The following DOCK8 variants were observed in gnomAD, a reference collection of about 807,000 sequenced individuals.
DOCK8 encodes dedicator of cytokinesis protein 8.
A neutral mutation model predicts 245.6 loss-of-function variants in DOCK8; 141 were observed. The ratio of observed to expected loss-of-function variants is 0.57; its 90% CI spans 0.50 to 0.66. DOCK8 has a LOEUF of 0.66. Ranked by LOEUF, DOCK8 falls within the 30% of genes least tolerant of loss-of-function variation. The probability of loss-of-function intolerance (pLI) is 0.00; values close to 1 mark genes in which losing one functional copy is unlikely to be tolerated. For synonymous variants in DOCK8, 1,168 were observed against 970.2 expected, an observed-to-expected ratio of 1.20 and a Z score of -3.79; for missense variants, 2,965 against 2,603.4, an observed-to-expected ratio of 1.14 and a Z score of -3.02.
At chr9:436,852 T>C (rs2056920837) in intron 39 of DOCK8, among the ~76,000 whole-genome samples, 1 of 152,198 alleles carries the variant, frequency 6.6e-6, no homozygotes, top group African/African-American at 2.4e-5. Context: ...ATTCCAATCT[T>C]TGTTCAGTTA....
chr9:416,428 C>T (rs1244081820), intron 29 of DOCK8, among the ~76,000 whole-genome samples: 1 of 152,184 alleles, frequency 6.6e-6, no homozygotes, highest in African/African-American at 2.4e-5. Flanking sequence ...TTAGAATATT[C>T]CGTATCAGTG....
At chr9:446,634 C>T in intron 44 of DOCK8, 28 bp downstream of exon 44, 1 of 1,606,928 alleles carries the variant, frequency 6.2e-7, no homozygotes, top group South Asian at 1.1e-5. Context: ...TTGGCCACCA[C>T]TGGATGAGTG....
At position 400,847 on chromosome 9, in the gene DOCK8, A is replaced by ACCT. The variant is rs1308191410; in HGVS notation, c.3234+1590_3234+1591insTCC. On this transcript the variant is annotated intron_variant, in intron 26 of 47. Coordinates refer to ENST00000432829, the MANE Select transcript of DOCK8 (RefSeq NM_203447.4). ...CACCATCACCATCACCACCACCTCCACCATCACCACCTCCTCCACCATCAC... is the reference window on the plus strand; with the variant it reads ...CACCATCACCATCACCACCACCTCCACCTCCATCACCACCTCCTCCACCATCAC... Among the ~76,000 whole-genome samples, 66 of 107,240 alleles carry ACCT rather than the reference A, an allele frequency of 6.2e-4. 11 individuals carry two copies. The highest frequency in any genetic ancestry group is 8.9e-4 in the Non-Finnish European group (47 of 52,830). 70.4% of individuals were successfully genotyped at this position (107,240 alleles called of 152,430 possible).
At chr9:421,664 T>A (rs1213017441) in intron 32 of DOCK8, among the ~76,000 whole-genome samples, 1 of 152,188 alleles carries the variant, frequency 6.6e-6, no homozygotes, top group Non-Finnish European at 1.5e-5. Context: ...CAGCTTATTG[T>A]ATTCGAAGGG....
chr9:401,700 G>A (rs893307052), intron 26 of DOCK8, among the ~76,000 whole-genome samples: 7 of 152,056 alleles, frequency 4.6e-5, no homozygotes, highest in South Asian at 2.1e-4. Flanking sequence ...ATAAACAACC[G>A]AGGGGCCAAT....
chr9:256,116 A>C (rs539722051), intron 1 of DOCK8, among the ~76,000 whole-genome samples: 1 of 152,342 alleles, frequency 6.6e-6, no homozygotes, highest in Admixed American at 6.5e-5. Context: ...TTATATCTAG[A>C]TAGAAATTTT....
chr9:397,916 G>A (rs1196142583), intron 25 of DOCK8, among the ~76,000 whole-genome samples: 2 of 152,148 alleles, frequency 1.3e-5, no homozygotes, highest in Non-Finnish European at 2.9e-5. Context: ...CACCTTTTCT[G>A]TAAGTTTAAA....
chr9:428,612 G>A (rs2056589157), intron 35 of DOCK8, 116 bp downstream of exon 35: 7 of 1,315,544 alleles, frequency 5.3e-6, no homozygotes, highest in African/African-American at 1.5e-5. Flanking sequence ...TGGCATCACA[G>A]TAAAGGTCTT....
Position 433,946 on chromosome 9 carries a change from T to A in DOCK8, c.4857T>A (p.Asp1619Glu). 1 of 1,614,082 alleles carries A rather than the reference T, an allele frequency of 6.2e-7. No individual in the cohort carries two copies. The highest frequency in any genetic ancestry group is 8.5e-7 in the Non-Finnish European group (1 of 1,179,930). ...TGAAAATGAGGGAATTTCAGGAAGA[T>A]CCTGAGATGCTTATGGATCTCATGT... ...DTVKMREFQE[D>E]PEMLMDLMYR... The change falls in exon 38 of 48, where the codon GAT becomes GAA. Residue 1619 changes from aspartate to glutamate, a missense_variant. Around this residue, in one of 3 missense-constraint regions of DOCK8, gnomAD observed 2,825 missense variants for 2,453.5 expected, o/e 1.15. Transcript: ENST00000432829.
At chr9:233,713 T>C (rs1045507212) in intron 1 of DOCK8, among the ~76,000 whole-genome samples, 1 of 152,178 alleles carries the variant, frequency 6.6e-6, no homozygotes, top group Non-Finnish European at 1.5e-5. Context: ...GAGACTAGGA[T>C]TGCAACCCCT....
intron 29 of DOCK8, among the ~76,000 whole-genome samples, chr9:417,051 T>C (rs570625137): frequency 1.4e-4 from 21 of 152,346 alleles, no homozygotes; most frequent in Middle Eastern, 3.4e-3. Context: ...TCCCAGCACT[T>C]TGGGAGGCCA....
Position 428,404 on chromosome 9 carries a change from G to A in DOCK8, c.4381G>A (p.Val1461Ile), listed in dbSNP as rs745437275. The change falls in exon 35 of 48, where the codon GTT becomes ATT. Residue 1461 changes from valine to isoleucine, a missense_variant. By Grantham distance (29) the Val-to-Ile change is conservative (BLOSUM62 3). Transcript: ENST00000432829. ...LDCKDSLLGG[V>I]LRVLVNSLNC... ...CTGTAAAGACAGCCTGCTGGGAGGT[G>A]TTCTGAGGGTGCTGGTGAATTCTCT... 1 of 1,614,206 alleles carries A rather than the reference G, an allele frequency of 6.2e-7. No homozygotes were observed. Among genetic ancestry groups the A allele is most frequent in the Non-Finnish European group, 8.5e-7 (1 of 1,180,030 alleles).
intron 11 of DOCK8, among the ~76,000 whole-genome samples, chr9:336,301 C>G (rs2051307218): frequency 6.6e-6 from 1 of 152,238 alleles, no homozygotes; most frequent in Admixed American, 6.5e-5. Context: ...GGCTATAGCT[C>G]TGGACTCTTG....
At chr9:283,361 A>G (rs949236241) in intron 2 of DOCK8, among the ~76,000 whole-genome samples, 2 of 152,208 alleles carry the variant, frequency 1.3e-5, no homozygotes, top group Non-Finnish European at 2.9e-5. Context: ...ACCTCACGTG[A>G]TAGGTCACAG....
At chr9:214,825 G>A, upstream of DOCK8, 4 of 1,598,366 alleles carry the variant, frequency 2.5e-6, no homozygotes, top group East Asian at 2.3e-5. Context: ...GGGTGATTTC[G>A]GCTTAGAAGG....
intron 23 of DOCK8, among the ~76,000 whole-genome samples, chr9:388,415 T>A (rs1019045590): frequency 2.6e-5 from 4 of 152,188 alleles, no homozygotes; most frequent in Non-Finnish European, 4.4e-5. Flanking sequence ...CCGCCTGGGA[T>A]CTAATTGGTT....
At chr9:252,453 G>T (rs189922440) in intron 1 of DOCK8, among the ~76,000 whole-genome samples, 70 of 152,220 alleles carry the variant, frequency 4.6e-4, no homozygotes, top group African/African-American at 1.6e-3. Flanking sequence ...TACTGTGTAA[G>T]TTAGCATGAG....
At position 343,917 on chromosome 9, in the gene DOCK8, G is replaced by C. The variant is rs143280879; in HGVS notation, c.1679+3596G>C. Among the ~76,000 whole-genome samples the C allele has an allele frequency of 1.9e-3, 285 of 152,272 alleles. 1 individual carries two copies. The highest frequency in any genetic ancestry group is 6.2e-3 in the African/African-American group (256 of 41,560). On this transcript the variant is annotated intron_variant, in intron 14 of 47. Coordinates refer to ENST00000432829, the MANE Select transcript of DOCK8 (RefSeq NM_203447.4). ...GTGGCATTTACAATGTTCTCTACTC[G>C]TTCCTGCAAACATTATCCCTTAATT...
intron 4 of DOCK8, among the ~76,000 whole-genome samples, chr9:294,811 A>G (rs2049185860): frequency 6.6e-6 from 1 of 152,244 alleles, no homozygotes; most frequent in Non-Finnish European, 1.5e-5. Flanking sequence ...TGGAACAAAC[A>G]ATTGATATAT....
Sources: allele counts gnomAD v4.1 joint callset (sites outside exome capture counted in the v4.1 genomes callset), GRCh38; gene constraint gnomAD v4.1.1; regional missense constraint gnomAD v4.1.1; transcripts MANE v1.5; gene names NCBI Gene and HGNC (gene_info 2026-07-23, HGNC 2026-07-21).